The following ZNF226 variants were observed in gnomAD, a reference collection of about 807,000 sequenced individuals.
ZNF226 encodes the protein zinc finger protein 226.
Under a neutral mutation model 11.4 loss-of-function variants are expected in ZNF226, and 6 were observed. The ratio of observed to expected loss-of-function variants is 0.53; its 90% confidence interval spans 0.29 to 1.04. The LOEUF is 1.04. Among genes scored for constraint, ZNF226 ranks in the 50% least tolerant of loss-of-function variants. ZNF226 has a pLI of 0.08. For synonymous variants in ZNF226, 350 were observed against 322.8 expected (o/e 1.08, Z -0.90); for missense variants, 1,058 against 956.5 (o/e 1.11, Z -1.40).
chr19:44,175,246 A>G (rs899142820), intron 5 of ZNF226: 1 of 1,398,026 alleles, frequency 7.2e-7, no homozygotes, highest in African/African-American at 1.5e-5. Context: ...AAATTTAGAT[A>G]GTATGTCAGT....
Position 44,176,541 on chromosome 19 carries a change from G to A in ZNF226, c.1279G>A (p.Gly427Ser). 6.2e-7 allele frequency: 1 copy of A among 1,614,132 alleles called. No homozygotes were observed. The highest frequency in any genetic ancestry group is 8.5e-7 in the Non-Finnish European group (1 of 1,180,018). ...KPYKCEECGK[G>S]FICSSNLYIH... ...ATACAAATGTGAGGAGTGTGGTAAG[G>A]GCTTCATTTGTAGCTCAAATCTTTA... The change falls in exon 6 of 6, where the codon GGC becomes AGC. Residue 427 changes from glycine (G) to serine (S), a missense_variant. Physicochemically the swap from Gly to Ser is moderately conservative, Grantham distance 56. Transcript: ENST00000337433.
chr19:44,188,774 T>A, the ZNF226 span, among the ~76,000 whole-genome samples: 2 of 152,218 alleles, frequency 1.3e-5, no homozygotes, highest in African/African-American at 4.8e-5. Flanking sequence ...TAAATGTCAA[T>A]CTAAATAGAA....
chr19:44,190,373 G>A, the ZNF226 span, among the ~76,000 whole-genome samples: 35 of 151,876 alleles, frequency 2.3e-4, no homozygotes, highest in African/African-American at 7.7e-4. Context: ...TCGCTGTGTC[G>A]CCCAGGCTGG....
At chr19:44,194,813 C>G in the ZNF226 span, among the ~76,000 whole-genome samples, 1 of 152,166 alleles carries the variant, frequency 6.6e-6, no homozygotes, top group Non-Finnish European at 1.5e-5. Flanking sequence ...TTTCCCTTTT[C>G]CCTTTAAAAT....
downstream of ZNF226, among the ~76,000 whole-genome samples, chr19:44,181,553 C>T (rs1599743596): frequency 6.6e-6 from 1 of 152,156 alleles, no homozygotes; most frequent in East Asian, 1.9e-4. Flanking sequence ...GGATGCAAAG[C>T]CAAAATCAGC....
downstream of ZNF226, among the ~76,000 whole-genome samples, chr19:44,180,428 A>C (rs929417503): frequency 6.6e-6 from 1 of 152,204 alleles, no homozygotes; most frequent in Non-Finnish European, 1.5e-5. Context: ...CTAAGTATGT[A>C]AAGTCCATGA....
chr19:44,196,328 G>T, the ZNF226 span, among the ~76,000 whole-genome samples: 1 of 152,176 alleles, frequency 6.6e-6, no homozygotes, highest in Admixed American at 6.5e-5. Flanking sequence ...TTCCCAGTGG[G>T]TGCATGAACA....
rs747249361 is a variant in ZNF226, at chr19:44,177,203, ATG to A, written c.1944_1945del (p.Cys648TrpfsTer21). ...GAGAAAAACCATTCAAATGTGAAGA[ATG>A]TGGGAAGAGTTTCGGTCGGAGTGCA... Reference protein sequence around the residue: ...SGEKPFKCEECGKSFGRSAHL... With the variant: ...SGEKPFKCEEXGKSFGRSAHL... On this transcript the variant is annotated frameshift_variant, in exon 6 of 6. Coordinates refer to ENST00000337433, the MANE Select transcript of ZNF226 (RefSeq NM_001032373.2). LOFTEE classifies it low-confidence loss of function (END_TRUNC). 1 of 1,613,604 alleles carries A rather than the reference ATG, an allele frequency of 6.2e-7. No homozygotes were observed. Among genetic ancestry groups the A allele is most frequent in the African/African-American group, 1.3e-5 (1 of 74,788 alleles).
chr19:44,175,087 G>A, intron 5 of ZNF226: 2 of 1,604,154 alleles, frequency 1.2e-6, no homozygotes, highest in Admixed American at 1.7e-5. Flanking sequence ...ATGAAGAAAT[G>A]TTGGAAGGAC....
intron 4 of ZNF226, 184 bp from the exon 5 acceptor site, chr19:44,172,676 A>G: frequency 1.8e-6 from 1 of 568,578 alleles, no homozygotes; most frequent in East Asian, 3.0e-5. Flanking sequence ...TTTTCATAAT[A>G]TGTATTTACG....
Position 44,177,008 on chromosome 19 carries a change from G to C in ZNF226, c.1746G>C (p.Thr582=), listed in dbSNP as rs200558002. 69 of 1,613,360 alleles carry C rather than the reference G, an allele frequency of 4.3e-5. No homozygotes were observed. Among genetic ancestry groups the C allele is most frequent in the Non-Finnish European group, 5.3e-5 (63 of 1,179,778 alleles). Residue 582 remains threonine (T), a synonymous_variant, in exon 6 of 6, where the codon ACG becomes ACC. Transcript: ENST00000337433. ...SRLQIHQLIH[T]GEKPYKCEEC... is the part of the protein sequence containing the mutation. ...TTCAGATTCACCAGCTGATCCATAC[G>C]GGTGAGAAACCATACAAATGTGAAG...
At chr19:44,172,715 G>C in intron 4 of ZNF226, 145 bp from the exon 5 acceptor site, 2 of 645,752 alleles carry the variant, frequency 3.1e-6, no homozygotes, top group South Asian at 4.4e-5. Flanking sequence ...GAAATAAATG[G>C]TGTTTCTTTA....
intron 2 of ZNF226, among the ~76,000 whole-genome samples, chr19:44,167,314 CTT>C (rs35919865): frequency 6.6e-5 from 7 of 105,674 alleles, no homozygotes; most frequent in Non-Finnish European, 1.1e-4. Context: ...ATTTCTTTAA[CTT>C]TTTTTTTTTT....
intron 2 of ZNF226, among the ~76,000 whole-genome samples, chr19:44,166,181 T>C (rs933678628): frequency 3.3e-5 from 5 of 152,194 alleles, no homozygotes; most frequent in Non-Finnish European, 7.4e-5. Context: ...GGGACTTTGC[T>C]CAAGGTCTGG....
intron 2 of ZNF226, chr19:44,166,990 G>T (rs1969455946): frequency 6.6e-6 from 1 of 152,172 alleles, no homozygotes; most frequent in Non-Finnish European, 1.5e-5. Flanking sequence ...AACTGAGCTG[G>T]CCATACTAGA....
chr19:44,179,807 G>A (rs908149693), downstream of ZNF226, among the ~76,000 whole-genome samples: 1 of 151,984 alleles, frequency 6.6e-6, no homozygotes, highest in African/African-American at 2.4e-5. Flanking sequence ...CAGAGGCCAG[G>A]TGCGGTTGCT....
intron 3 of ZNF226, among the ~76,000 whole-genome samples, chr19:44,170,298 A>G (rs1338139279): frequency 1.3e-5 from 2 of 152,200 alleles, no homozygotes; most frequent in Non-Finnish European, 2.9e-5. Flanking sequence ...AAAGGTAGAA[A>G]AATTAATAGA....
rs757018462 is a variant in ZNF226, at chr19:44,176,536, G to A, written c.1274G>A (p.Gly425Asp). Residue 425 changes from glycine (G) to aspartate (D), a missense_variant, in exon 6 of 6, where the codon GGT (glycine) becomes GAT (aspartate). Coordinates refer to ENST00000337433, the MANE Select transcript of ZNF226 (RefSeq NM_001032373.2). ...GEKPYKCEEC[G>D]KGFICSSNLY... is the part of the protein sequence containing the mutation. ...AAACCATACAAATGTGAGGAGTGTGGTAAGGGCTTCATTTGTAGCTCAAAT... is the reference window on the plus strand; with the variant it reads ...AAACCATACAAATGTGAGGAGTGTGATAAGGGCTTCATTTGTAGCTCAAAT... 8.7e-6 allele frequency: 14 copies of A among 1,614,070 alleles called. No individual in the cohort carries two copies. Among genetic ancestry groups the A allele is most frequent in the East Asian group, 6.7e-5 (3 of 44,890 alleles).
chr19:44,177,663 T>A lies in ZNF226; in HGVS notation c.2401T>A (p.Ser801Thr), dbSNP rs774554109. ...CAGAGAATCCACACAGGAAAAAAAA[T>A]CTATAAAATGATTCTTTGTGAAGAC... ...NIRESTQEKKSIK is the reference protein window; with the variant it reads ...NIRESTQEKKTIK The change falls in exon 6 of 6, where the codon TCT (serine) becomes ACT (threonine). Residue 801 changes from serine to threonine, a missense_variant. By Grantham distance (58) the Ser-to-Thr change is moderately conservative. Coordinates refer to ENST00000337433, the MANE Select transcript of ZNF226 (RefSeq NM_001032373.2). 2 of 1,579,224 alleles carry A rather than the reference T, an allele frequency of 1.3e-6. No individual in the cohort carries two copies. The highest frequency in any genetic ancestry group is 1.2e-5 in the South Asian group (1 of 85,376).
Sources: gnomAD v4.1 joint callset for allele counts (sites outside exome capture counted in the v4.1 genomes callset) on GRCh38, gnomAD v4.1.1 for gene constraint, MANE v1.5 for transcripts, NCBI Gene and HGNC (gene_info 2026-07-23, HGNC 2026-07-21) for gene names.